The following SLC44A5 variants were observed in gnomAD, a reference collection of about 807,000 sequenced individuals.
SLC44A5 encodes the protein choline transporter-like protein 5.
SLC44A5 carries 57 observed loss-of-function variants against 101.8 expected under a neutral mutation model. That is an observed-to-expected ratio of 0.56 (90% CI 0.45 to 0.70). SLC44A5 has a LOEUF of 0.70. SLC44A5 is among the 30% of genes least tolerant of loss of function. The pLI, the probability that SLC44A5 is intolerant of heterozygous loss-of-function variation, is 0.00. For synonymous variants in SLC44A5, 281 were observed against 290.9 expected, an observed-to-expected ratio of 0.97 and a Z score of 0.35; for missense variants, 737 against 853.1, an observed-to-expected ratio of 0.86 and a Z score of 1.70.
intron 4 of SLC44A5, among the ~76,000 whole-genome samples, chr1:75,330,708 G>A (rs1656985426): frequency 6.6e-6 from 1 of 152,020 alleles, no homozygotes; most frequent in African/African-American, 2.4e-5. Context: ...CTTACTGAAA[G>A]TGTTGTCTTT....
the SLC44A5 span, among the ~76,000 whole-genome samples, chr1:75,690,705 TCA>T: frequency 2.0e-5 from 3 of 152,268 alleles, no homozygotes; most frequent in South Asian, 6.2e-4. Context: ...ACATACTAAA[TCA>T]CACATCCACC....
chr1:75,531,653 G>T (rs1461427837), intron 2 of SLC44A5, among the ~76,000 whole-genome samples: 1 of 152,068 alleles, frequency 6.6e-6, no homozygotes, highest in African/African-American at 2.4e-5. Context: ...AGCTCTACAG[G>T]GACCTGGCAA....
the SLC44A5 span, among the ~76,000 whole-genome samples, chr1:75,699,236 T>A: frequency 6.6e-6 from 1 of 151,916 alleles, no homozygotes; most frequent in South Asian, 2.1e-4. Flanking sequence ...GGAAAAAATG[T>A]TAAGGGCAGC....
chr1:75,537,001 A>G (rs61386385), intron 2 of SLC44A5, among the ~76,000 whole-genome samples: 3 of 62,968 alleles, frequency 4.8e-5, no homozygotes, highest in South Asian at 7.7e-4. Context: ...GCGAGACTCC[A>G]TCTCAAAAAA....
chr1:75,450,983 G>A (rs1665875927), intron 2 of SLC44A5, among the ~76,000 whole-genome samples: 1 of 152,150 alleles, frequency 6.6e-6, no homozygotes, highest in African/African-American at 2.4e-5. Context: ...TTAGGCATCT[G>A]GAGCATCCAC....
intron 2 of SLC44A5, among the ~76,000 whole-genome samples, chr1:75,463,309 AC>A (rs1267509801): frequency 6.6e-6 from 1 of 151,152 alleles, no homozygotes; most frequent in Non-Finnish European, 1.5e-5. Context: ...AGTCCCAGCT[AC>A]TCGGGAGGCT....
At chr1:75,516,393 T>G (rs960372241) in intron 2 of SLC44A5, among the ~76,000 whole-genome samples, 1 of 151,990 alleles carries the variant, frequency 6.6e-6, no homozygotes, top group Non-Finnish European at 1.5e-5. Context: ...GGCGGGCGCC[T>G]GTAGTCCCAG....
intron 5 of SLC44A5, among the ~76,000 whole-genome samples, chr1:75,278,760 A>G (rs1379301201): frequency 6.6e-6 from 1 of 152,132 alleles, no homozygotes; most frequent in Non-Finnish European, 1.5e-5. Context: ...GAATAGGAAA[A>G]TCAAATACAA....
chr1:75,548,705 C>G (rs183677720), intron 1 of SLC44A5, among the ~76,000 whole-genome samples: 81 of 152,216 alleles, frequency 5.3e-4, no homozygotes, highest in Non-Finnish European at 8.5e-4. Flanking sequence ...AAATTTGAAA[C>G]TTGGAAACTG....
At chr1:75,398,223 T>C (rs1355244561) in intron 2 of SLC44A5, 1 of 196,058 alleles carries the variant, frequency 5.1e-6, no homozygotes, top group Non-Finnish European at 9.2e-6. Flanking sequence ...AAAGGTTACA[T>C]GTCATAGCTT....
chr1:75,317,649 C>T (rs776871519), intron 4 of SLC44A5, among the ~76,000 whole-genome samples: 1 of 152,116 alleles, frequency 6.6e-6, no homozygotes, highest in Admixed American at 6.6e-5. Flanking sequence ...GTTTAAATAA[C>T]AGCCATTTGT....
At chr1:75,431,380 T>C (rs759848595) in intron 2 of SLC44A5, among the ~76,000 whole-genome samples, 5 of 152,182 alleles carry the variant, frequency 3.3e-5, no homozygotes, top group Non-Finnish European at 7.3e-5. Flanking sequence ...CATTAGAAAA[T>C]CAGCAGCTTA....
At chr1:75,597,033 C>CA (rs2102131850) in intron 1 of SLC44A5, among the ~76,000 whole-genome samples, 2 of 151,872 alleles carry the variant, frequency 1.3e-5, no homozygotes, top group African/African-American at 4.8e-5. Flanking sequence ...GAAAAACATA[C>CA]AAAAATTAGC....
At chr1:75,713,511 AC>A in the SLC44A5 span, among the ~76,000 whole-genome samples, 1 of 152,276 alleles carries the variant, frequency 6.6e-6, no homozygotes, top group East Asian at 1.9e-4. Flanking sequence ...AGAACCACTA[AC>A]CTGGAGAACT....
chr1:75,453,771 C>G (rs1666033433), intron 2 of SLC44A5, among the ~76,000 whole-genome samples: 2 of 152,082 alleles, frequency 1.3e-5, no homozygotes, highest in Non-Finnish European at 2.9e-5. Context: ...TTCTGAATAC[C>G]TTTATGCACA....
intron 1 of SLC44A5, among the ~76,000 whole-genome samples, chr1:75,567,492 T>C (rs1348995982): frequency 6.6e-6 from 1 of 152,176 alleles, no homozygotes; most frequent in Non-Finnish European, 1.5e-5. Context: ...TAATTGCTAA[T>C]TCCAAAGCCA....
At chr1:75,375,728 G>A (rs2101203107) in intron 3 of SLC44A5, among the ~76,000 whole-genome samples, 1 of 152,280 alleles carries the variant, frequency 6.6e-6, no homozygotes, top group South Asian at 2.1e-4. Flanking sequence ...TACCAACCAA[G>A]TATTTTGTAT....
intron 3 of SLC44A5, among the ~76,000 whole-genome samples, chr1:75,359,230 CTTTTT>C (rs58243679): frequency 9.2e-6 from 1 of 108,682 alleles, no homozygotes; most frequent in African/African-American, 3.5e-5. Flanking sequence ...ATTTTCTTTT[CTTTTT>C]TTTTTTTTTT....
intron 2 of SLC44A5, among the ~76,000 whole-genome samples, chr1:75,498,597 A>G: frequency 6.6e-6 from 1 of 152,124 alleles, no homozygotes; most frequent in East Asian, 1.9e-4. Flanking sequence ...GTCTTCAAAA[A>G]TATTTTCTAT....
Sources: gnomAD v4.1 joint callset for allele counts (sites outside exome capture counted in the v4.1 genomes callset) on GRCh38, gnomAD v4.1.1 for gene constraint, MANE v1.5 for transcripts, NCBI Gene and HGNC (gene_info 2026-07-23, HGNC 2026-07-21) for gene names.